Variants in ANXA8 observed in about 807,000 individuals in gnomAD.
ANXA8 encodes the protein annexin A8.
A neutral mutation model predicts 26.8 loss-of-function variants in ANXA8; 9 were observed. That is an observed-to-expected ratio of 0.34 (90% CI 0.20 to 0.59). The LOEUF (loss-of-function observed/expected upper bound fraction) is 0.59, where lower values mean the gene tolerates loss of function less well. Among genes scored for constraint, ANXA8 ranks in the 20% least tolerant of loss-of-function variants. The pLI is 0.84. For missense variants in ANXA8, 83 were observed against 238.5 expected (o/e 0.35, Z 4.29); for synonymous variants, 39 against 94.8 (o/e 0.41, Z 3.42).
the ANXA8 span, among the ~76,000 whole-genome samples, chr10:47,656,275 G>A: frequency 1.3e-4 from 19 of 151,474 alleles, 1 homozygote; most frequent in Admixed American, 9.2e-4. Flanking sequence ...GCATGCACCT[G>A]TAGTCCCAGC....
At chr10:47,986,096 T>C in the ANXA8 span, 1 of 150,858 alleles carries the variant, frequency 6.6e-6, no homozygotes, top group Non-Finnish European at 1.5e-5. Flanking sequence ...CACCTCTTTA[T>C]CCTTGGATAA....
the ANXA8 span, among the ~76,000 whole-genome samples, chr10:47,506,620 G>A: frequency 1.8e-4 from 26 of 141,190 alleles, no homozygotes; most frequent in African/African-American, 5.9e-4. Context: ...GTGAACCACT[G>A]CGCCCCACCA....
the ANXA8 span, among the ~76,000 whole-genome samples, chr10:47,651,283 CAAAAA>C: frequency 1.2e-3 from 168 of 136,758 alleles, 2 homozygotes; most frequent in African/African-American, 4.0e-3. Flanking sequence ...AAAAAAATCT[CAAAAA>C]AAAAAAAAAC....
At chr10:47,743,557 G>A in the ANXA8 span, among the ~76,000 whole-genome samples, 1 of 140,888 alleles carries the variant, frequency 7.1e-6, no homozygotes, top group Non-Finnish European at 1.5e-5. Context: ...ATGGTATACC[G>A]GTTGTCAATG....
the ANXA8 span, among the ~76,000 whole-genome samples, chr10:47,684,498 C>G: frequency 6.6e-6 from 1 of 152,018 alleles, no homozygotes; most frequent in Non-Finnish European, 1.5e-5. Flanking sequence ...CTTGTTCAAC[C>G]CACAGCCTGT....
the ANXA8 span, among the ~76,000 whole-genome samples, chr10:47,955,452 C>T: frequency 6.7e-6 from 1 of 149,284 alleles, no homozygotes; most frequent in African/African-American, 2.5e-5. Context: ...AATGGTACAG[C>T]CCATTACATA....
chr10:47,536,759 C>T, the ANXA8 span, among the ~76,000 whole-genome samples: 1 of 126,052 alleles, frequency 7.9e-6, no homozygotes, highest in Non-Finnish European at 1.6e-5. Flanking sequence ...AGTTTAAGAT[C>T]AGCCTGGGCA....
At chr10:47,528,376 C>G in the ANXA8 span, among the ~76,000 whole-genome samples, 2 of 112,366 alleles carry the variant, frequency 1.8e-5, no homozygotes, top group Non-Finnish European at 3.5e-5. Flanking sequence ...CTGCACCCGG[C>G]TAGACTTAAA....
rs1261887663 is a variant in ANXA8 at position 47,484,038 on chromosome 10, C to T, written c.-105G>A. On this transcript the variant is annotated 5_prime_UTR_variant, in exon 1 of 12. Transcript: ENST00000585281. ...TCCTGCAGCTGAGGAGTGAGCAGGC[C>T]GCTCACTTGGGTGTGGGGGTGCAAG... The T allele has an allele frequency of 6.3e-5, 101 of 1,610,246 alleles. 1 individual carries two copies. The highest frequency in any genetic ancestry group is 2.3e-4 in the Middle Eastern group (1 of 4,422).
chr10:47,982,074 A>G, the ANXA8 span, among the ~76,000 whole-genome samples: 1 of 151,014 alleles, frequency 6.6e-6, no homozygotes, highest in African/African-American at 2.4e-5. Context: ...GGATTGCTTG[A>G]GCCCAGAGTT....
At chr10:47,494,969 G>A in the ANXA8 span, among the ~76,000 whole-genome samples, 29,313 of 148,346 alleles carry the variant, frequency 0.2, 1,624 homozygotes, top group East Asian at 0.45. Context: ...AGCTGTGGCT[G>A]TAGAGGAGGA....
At chr10:47,733,260 T>TTTCTTTCA in the ANXA8 span, among the ~76,000 whole-genome samples, 2 of 110,456 alleles carry the variant, frequency 1.8e-5, no homozygotes, top group Non-Finnish European at 3.7e-5. Flanking sequence ...TCTTTCTTTC[T>TTTCTTTCA]TTCTTTCTTT....
chr10:47,722,509 G>A, the ANXA8 span, among the ~76,000 whole-genome samples: 1 of 140,018 alleles, frequency 7.1e-6, no homozygotes, highest in Admixed American at 7.2e-5. Context: ...GGTGTAGGCT[G>A]GGGCTGCAGT....
the ANXA8 span, chr10:47,564,725 G>C: frequency 4.5e-6 from 3 of 661,338 alleles, no homozygotes; most frequent in Non-Finnish European, 7.6e-6. Flanking sequence ...CTGCCTGCTC[G>C]TGCCCAGCGT....
chr10:47,697,150 G>A, the ANXA8 span, among the ~76,000 whole-genome samples: 6 of 152,106 alleles, frequency 3.9e-5, no homozygotes, highest in East Asian at 7.7e-4. Flanking sequence ...GTATAAACTT[G>A]TGGTTTTGGT....
At chr10:47,756,583 C>T in the ANXA8 span, among the ~76,000 whole-genome samples, 4 of 149,896 alleles carry the variant, frequency 2.7e-5, no homozygotes, top group African/African-American at 9.7e-5. Flanking sequence ...GTACAGAGGG[C>T]TAAGATTTGG....
At chr10:47,485,659 C>T (rs1840025749), upstream of ANXA8, among the ~76,000 whole-genome samples, 1 of 151,912 alleles carries the variant, frequency 6.6e-6, no homozygotes, top group African/African-American at 2.4e-5. Context: ...TTACAAATTA[C>T]TTCTCTTTTT....
chr10:47,529,132 T>A, the ANXA8 span, among the ~76,000 whole-genome samples: 1 of 144,350 alleles, frequency 6.9e-6, no homozygotes, highest in South Asian at 2.2e-4. Context: ...AAAGAAAGAT[T>A]AGGGATGTTT....
At chr10:47,956,827 G>A in the ANXA8 span, among the ~76,000 whole-genome samples, 2 of 150,044 alleles carry the variant, frequency 1.3e-5, no homozygotes, top group Non-Finnish European at 1.5e-5. Context: ...TCATTCAGGA[G>A]CAGGGCACTC....
Sources: allele counts gnomAD v4.1 joint callset (sites outside exome capture counted in the v4.1 genomes callset), GRCh38; gene constraint gnomAD v4.1.1; transcripts MANE v1.5; gene names NCBI Gene and HGNC (gene_info 2026-07-23, HGNC 2026-07-21).